Variants in CDH8 observed in about 807,000 individuals in gnomAD.
CDH8 encodes the protein cadherin-8.
CDH8 carries 17 observed loss-of-function variants against 68.1 expected under a neutral mutation model. The observed-to-expected ratio is 0.25, with a 90% CI of 0.17 to 0.37. The LOEUF (loss-of-function observed/expected upper bound fraction) is 0.37, where lower values mean the gene tolerates loss of function less well. Ranked by LOEUF, CDH8 falls within the 10% of genes least tolerant of loss-of-function variation. The probability of loss-of-function intolerance (pLI) is 1.00; values close to 1 mark genes in which losing one functional copy is unlikely to be tolerated. For missense variants in CDH8, 763 were observed against 999.3 expected, an observed-to-expected ratio of 0.76 and a Z score of 3.19; for synonymous variants, 372 against 365.1, an observed-to-expected ratio of 1.02 and a Z score of -0.21.
intron 8 of CDH8, among the ~76,000 whole-genome samples, chr16:61,765,133 A>G (rs1960555757): frequency 6.6e-6 from 1 of 152,100 alleles, no homozygotes; most frequent in Admixed American, 6.6e-5. Flanking sequence ...TTTGCCAATA[A>G]GGCAGACATG....
intron 10 of CDH8, among the ~76,000 whole-genome samples, chr16:61,706,339 C>T (rs1003599453): frequency 1.8e-4 from 27 of 152,112 alleles, no homozygotes; most frequent in African/African-American, 6.0e-4. Context: ...AACTGGCGGC[C>T]GGACGCGGTG....
At chr16:61,661,663 A>G (rs1231483464) in intron 10 of CDH8, among the ~76,000 whole-genome samples, 1 of 151,792 alleles carries the variant, frequency 6.6e-6, no homozygotes, top group African/African-American at 2.4e-5. Flanking sequence ...TCAATAACCT[A>G]ATTTTTCACC....
chr16:61,946,514 A>T (rs1397454912), intron 2 of CDH8, among the ~76,000 whole-genome samples: 1 of 152,210 alleles, frequency 6.6e-6, no homozygotes, highest in Non-Finnish European at 1.5e-5. Context: ...GCCAGGCACA[A>T]TAGGACTTGA....
At chr16:61,914,758 A>G (rs546775869) in intron 2 of CDH8, among the ~76,000 whole-genome samples, 10 of 149,616 alleles carry the variant, frequency 6.7e-5, no homozygotes, top group African/African-American at 9.8e-5. Context: ...AAAAAAAAAA[A>G]GAATGATGCC....
chr16:62,033,474 C>A (rs1419407096), intron 1 of CDH8, among the ~76,000 whole-genome samples: 1 of 152,074 alleles, frequency 6.6e-6, no homozygotes, highest in African/African-American at 2.4e-5. Flanking sequence ...AGAAATGCAG[C>A]CAAGAAATGT....
intron 2 of CDH8, among the ~76,000 whole-genome samples, chr16:62,008,285 A>G (rs1901719884): frequency 6.6e-6 from 1 of 151,876 alleles, no homozygotes; most frequent in Non-Finnish European, 1.5e-5. Context: ...TTTGCTTTGT[A>G]TTTTTGGATT....
intron 4 of CDH8, among the ~76,000 whole-genome samples, chr16:61,848,261 G>T (rs776650138): frequency 6.6e-6 from 1 of 151,982 alleles, no homozygotes; most frequent in African/African-American, 2.4e-5. Context: ...CCATCCCAAC[G>T]CATCCCAGTG....
chr16:61,758,100 A>G (rs1374984859), intron 8 of CDH8, among the ~76,000 whole-genome samples: 1 of 152,150 alleles, frequency 6.6e-6, no homozygotes, highest in Non-Finnish European at 1.5e-5. Context: ...TTAGTGAAAG[A>G]GCAAAGGATT....
At chr16:61,936,261 G>C (rs977969314) in intron 2 of CDH8, among the ~76,000 whole-genome samples, 1 of 152,032 alleles carries the variant, frequency 6.6e-6, no homozygotes, top group Non-Finnish European at 1.5e-5. Context: ...GAAAAAAATA[G>C]CATCTGAGAA....
intron 8 of CDH8, among the ~76,000 whole-genome samples, chr16:61,732,877 G>A (rs775785508): frequency 2.0e-5 from 3 of 151,838 alleles, no homozygotes; most frequent in Middle Eastern, 6.8e-3. Context: ...TAGCAAAAAG[G>A]AGGTGAGTGG....
intron 2 of CDH8, among the ~76,000 whole-genome samples, chr16:61,927,450 A>G (rs1964472940): frequency 6.6e-6 from 1 of 152,158 alleles, no homozygotes; most frequent in Non-Finnish European, 1.5e-5. Flanking sequence ...ATTTATAAGT[A>G]TAAATATTTG....
rs115979426 is a variant in CDH8, at chr16:61,986,469, T to C, written c.252+34683A>G. 8.5e-3 allele frequency among the ~76,000 whole-genome samples: 1,298 copies of C among 152,290 alleles called. 29 individuals carry two copies. Among genetic ancestry groups the C allele is most frequent in the African/African-American group, 0.03 (1,247 of 41,570 alleles). The stretch of plus-strand genomic sequence containing the variant: ...AGAAACTCCCTATCTTCTCAGGTTC[T>C]CCTTTCACAAGGAAATGGCTGTAAA... On this transcript the variant is annotated intron_variant, in intron 2 of 11. Transcript: ENST00000577390.
chr16:62,032,738 G>T (rs1567576551), intron 1 of CDH8, among the ~76,000 whole-genome samples: 1 of 152,108 alleles, frequency 6.6e-6, no homozygotes, highest in Admixed American at 6.5e-5. Context: ...TTGGAAATAC[G>T]AATTGAATGT....
At chr16:61,730,348 A>T (rs979795005) in intron 8 of CDH8, among the ~76,000 whole-genome samples, 2 of 151,498 alleles carry the variant, frequency 1.3e-5, no homozygotes, top group African/African-American at 4.8e-5. Context: ...ACAATGTGGG[A>T]TTAGGGAGCT....
intron 2 of CDH8, among the ~76,000 whole-genome samples, chr16:61,930,306 C>CA (rs1964522478): frequency 6.6e-6 from 1 of 150,652 alleles, no homozygotes; most frequent in Admixed American, 6.6e-5. Context: ...CACACACACA[C>CA]CCCTATGTAT....
chr16:61,971,648 T>C (rs929538178), intron 2 of CDH8, among the ~76,000 whole-genome samples: 1 of 152,190 alleles, frequency 6.6e-6, no homozygotes, highest in Non-Finnish European at 1.5e-5. Context: ...ATGAAATCAC[T>C]GGCCGTTGGT....
intron 3 of CDH8, among the ~76,000 whole-genome samples, chr16:61,869,614 C>G (rs1030922852): frequency 1.3e-5 from 2 of 152,098 alleles, no homozygotes; most frequent in African/African-American, 4.8e-5. Flanking sequence ...AAATGCAACT[C>G]AAAGTGCACA....
In CDH8 at chr16:61,716,896, T is replaced by C. The variant is rs141814716; in HGVS notation, c.1537-2938A>G. Among the ~76,000 whole-genome samples the C allele has an allele frequency of 1.9e-3, 289 of 151,826 alleles. 1 individual carries two copies. Among genetic ancestry groups the C allele is most frequent in the African/African-American group, 6.7e-3 (278 of 41,484 alleles). On this transcript the variant is annotated intron_variant, in intron 9 of 11. Coordinates refer to ENST00000577390, the MANE Select transcript of CDH8 (RefSeq NM_001796.5). The stretch of plus-strand genomic sequence containing the variant: ...CTAATGAGGCTAAAGTTTTCATTGA[T>C]GAAATAACTTTTGAATGCACTTAGC...
At chr16:61,871,722 A>G (rs546069659) in intron 3 of CDH8, among the ~76,000 whole-genome samples, 70 of 149,630 alleles carry the variant, frequency 4.7e-4, no homozygotes, top group Non-Finnish European at 8.3e-4. Context: ...CTGGGTCCCA[A>G]TAATCAACAG....
Sources: allele counts gnomAD v4.1 joint callset (sites outside exome capture counted in the v4.1 genomes callset), GRCh38; gene constraint gnomAD v4.1.1; transcripts MANE v1.5; gene names NCBI Gene and HGNC (gene_info 2026-07-23, HGNC 2026-07-21).